Variants in SLC30A8 observed in about 807,000 individuals in gnomAD.
SLC30A8 encodes the protein proton-coupled zinc antiporter SLC30A8.
SLC30A8 carries 27 observed loss-of-function variants against 36.9 expected under a neutral mutation model. The ratio of observed to expected loss-of-function variants is 0.73; its 90% confidence interval spans 0.54 to 1.01. The LOEUF is 1.01. Among genes scored for constraint, SLC30A8 ranks in the 50% least tolerant of loss-of-function variants. SLC30A8 has a pLI of 0.00. For missense variants in SLC30A8, 439 were observed against 452.0 expected (o/e 0.97, Z 0.26); for synonymous variants, 164 against 172.4 (o/e 0.95, Z 0.38).
intron 2 of SLC30A8, among the ~76,000 whole-genome samples, chr8:117,090,486 A>G (rs1819069234): frequency 6.6e-6 from 1 of 152,212 alleles, no homozygotes; most frequent in Admixed American, 6.5e-5. Context: ...AAAGTCCTGG[A>G]TCAAAGCACT....
chr8:116,986,321 T>C lies in SLC30A8; in HGVS notation c.-266+35202T>C, dbSNP rs563988316. The stretch of plus-strand genomic sequence containing the variant: ...TTCATTGACCGGTCTGGTAGGAGAG[T>C]GGGAGAGAACTGAGCAAACACCTCC... On this transcript the variant is annotated intron_variant, in intron 1 of 10. Coordinates refer to the SLC30A8 transcript ENST00000427715. 1.1e-3 allele frequency among the ~76,000 whole-genome samples: 166 copies of C among 151,868 alleles called. 1 individual carries two copies. Among genetic ancestry groups the C allele is most frequent in the Non-Finnish European group, 1.0e-3 (68 of 67,918 alleles).
chr8:117,101,241 A>G (rs1423138372), intron 2 of SLC30A8, among the ~76,000 whole-genome samples: 1 of 152,144 alleles, frequency 6.6e-6, no homozygotes, highest in African/African-American at 2.4e-5. Flanking sequence ...GCGTCTTTCC[A>G]GGGCCTTATA....
At chr8:116,958,264 G>A (rs1316587909) in intron 1 of SLC30A8, among the ~76,000 whole-genome samples, 1 of 152,006 alleles carries the variant, frequency 6.6e-6, no homozygotes. Context: ...GCGTTTTCTA[G>A]TGCTCTGCAT....
At chr8:117,157,659 G>C (rs199894401) in intron 3 of SLC30A8, 32 bp from the exon 4 acceptor site, 1 of 1,612,624 alleles carries the variant, frequency 6.2e-7, no homozygotes, top group Non-Finnish European at 8.5e-7. Flanking sequence ...AGTTATCTGT[G>C]TGTGGGTTTC....
At chr8:117,044,835 C>A (rs533442601) in intron 2 of SLC30A8, among the ~76,000 whole-genome samples, 2 of 152,238 alleles carry the variant, frequency 1.3e-5, no homozygotes, top group Non-Finnish European at 1.5e-5. Flanking sequence ...GGGGGAAATA[C>A]TGCTGCAGGA....
intron 1 of SLC30A8, among the ~76,000 whole-genome samples, chr8:117,136,225 T>C (rs1821351646): frequency 1.3e-5 from 2 of 151,942 alleles, no homozygotes; most frequent in African/African-American, 4.8e-5. Flanking sequence ...ATAACCTACA[T>C]AGAAAATAGT....
chr8:117,034,306 C>A (rs1817144386), intron 1 of SLC30A8, among the ~76,000 whole-genome samples: 1 of 152,122 alleles, frequency 6.6e-6, no homozygotes, highest in Non-Finnish European at 1.5e-5. Flanking sequence ...TGATGGAAAT[C>A]ATCAGTTTCC....
At chr8:117,051,358 C>T (rs190548258) in intron 2 of SLC30A8, among the ~76,000 whole-genome samples, 45 of 152,224 alleles carry the variant, frequency 3.0e-4, no homozygotes, top group African/African-American at 9.6e-4. Context: ...GATGTGTGTC[C>T]CCTCTAAAAC....
At chr8:117,000,613 T>A (rs935128399) in intron 1 of SLC30A8, among the ~76,000 whole-genome samples, 3 of 152,202 alleles carry the variant, frequency 2.0e-5, no homozygotes, top group Non-Finnish European at 4.4e-5. Flanking sequence ...CTGTATCTGC[T>A]GATGCTCAAA....
chr8:117,024,837 C>T (rs550037328), intron 1 of SLC30A8, among the ~76,000 whole-genome samples: 2 of 152,010 alleles, frequency 1.3e-5, no homozygotes, highest in South Asian at 4.2e-4. Flanking sequence ...CTCCAGGGTA[C>T]TTGTGCAAGA....
rs559013627 is a variant in SLC30A8, at chr8:117,052,997, C to A, written c.-226+13739C>A. ...TCTCAGCTCACTGCAACCTCCGCCT[C>A]CCAGGTTCAAACGATTCTTCTGCCT... On this transcript the variant is annotated intron_variant, in intron 2 of 10. Transcript: ENST00000427715. 3.3e-5 allele frequency among the ~76,000 whole-genome samples: 5 copies of A among 152,024 alleles called. No individual in the cohort carries two copies. The South Asian group carries it at 1.0e-3, about 32-fold the overall frequency.
chr8:117,150,185 A>T (rs1822110315), intron 2 of SLC30A8, among the ~76,000 whole-genome samples: 1 of 152,248 alleles, frequency 6.6e-6, no homozygotes, highest in Non-Finnish European at 1.5e-5. Flanking sequence ...GACACAACAT[A>T]TGGTATAGTA....
At chr8:117,015,892 T>C (rs937226010) in intron 1 of SLC30A8, among the ~76,000 whole-genome samples, 1 of 152,224 alleles carries the variant, frequency 6.6e-6, no homozygotes, top group African/African-American at 2.4e-5. Flanking sequence ...GGGTCATTTA[T>C]TGAACATTCA....
At chr8:117,167,934 G>GC (rs1823146416) in intron 6 of SLC30A8, among the ~76,000 whole-genome samples, 1 of 152,074 alleles carries the variant, frequency 6.6e-6, no homozygotes, top group Non-Finnish European at 1.5e-5. Context: ...GGCTGAGGAG[G>GC]CCTCACAATC....
intron 1 of SLC30A8, among the ~76,000 whole-genome samples, chr8:117,011,362 T>A (rs538950035): frequency 1.6e-4 from 25 of 152,350 alleles, no homozygotes; most frequent in Admixed American, 8.5e-4. Context: ...TTTGCCTGAA[T>A]GAAACTTATC....
In SLC30A8 at chr8:117,019,384, T is replaced by A. The variant is rs1377576307; in HGVS notation, c.-265-19835T>A. Among the ~76,000 whole-genome samples, 3 of 151,804 alleles carry A rather than the reference T, an allele frequency of 2.0e-5. No individual in the cohort carries two copies. In the East Asian group the frequency reaches 5.8e-4, roughly 29 times the overall value. On this transcript the variant is annotated intron_variant, in intron 1 of 10. Coordinates refer to the SLC30A8 transcript ENST00000427715. The stretch of plus-strand genomic sequence containing the variant: ...TACAAAAATAAAGGCAGTTTCTAAT[T>A]TTGAGCACTTTCCTTATCATTTCCC...
intron 2 of SLC30A8, among the ~76,000 whole-genome samples, chr8:117,093,179 A>G (rs1476627750): frequency 1.3e-5 from 2 of 151,962 alleles, no homozygotes; most frequent in Non-Finnish European, 2.9e-5. Context: ...CTCATGGCCC[A>G]GGTATCCTTC....
At chr8:117,095,823 A>ATTT (rs1819335954) in intron 2 of SLC30A8, among the ~76,000 whole-genome samples, 1 of 152,246 alleles carries the variant, frequency 6.6e-6, no homozygotes, top group Admixed American at 6.5e-5. Context: ...TTAGAGGCAC[A>ATTT]TAAGTTTTTT....
intron 1 of SLC30A8, among the ~76,000 whole-genome samples, chr8:116,982,482 T>A (rs79717662): frequency 0.059 from 9,059 of 152,252 alleles, 389 homozygotes; most frequent in Non-Finnish European, 0.092. Context: ...TAAAGAGAGA[T>A]AAAATACTTC....
Sources: gnomAD v4.1 joint callset for allele counts (sites outside exome capture counted in the v4.1 genomes callset) on GRCh38, gnomAD v4.1.1 for gene constraint, MANE v1.5 for transcripts, NCBI Gene and HGNC (gene_info 2026-07-23, HGNC 2026-07-21) for gene names.